Variants in BBX observed in about 807,000 individuals in gnomAD.
BBX encodes HMG box transcription factor BBX.
BBX carries 30 observed loss-of-function variants against 100.2 expected under a neutral mutation model. The ratio of observed to expected loss-of-function variants is 0.30; its 90% confidence interval spans 0.22 to 0.41. BBX has a LOEUF of 0.41. Ranked by LOEUF, BBX falls within the 10% of genes least tolerant of loss-of-function variation. The probability of loss-of-function intolerance (pLI) is 1.00; values close to 1 mark genes in which losing one functional copy is unlikely to be tolerated. For missense variants in BBX, 1,023 were observed against 1,129.8 expected, an observed-to-expected ratio of 0.91 and a Z score of 1.35; for synonymous variants, 376 against 388.1, an observed-to-expected ratio of 0.97 and a Z score of 0.37.
At chr3:107,524,752 A>G (rs1456673254) in intron 1 of BBX, among the ~76,000 whole-genome samples, 4 of 137,728 alleles carry the variant, frequency 2.9e-5, no homozygotes, top group African/African-American at 1.1e-4. Flanking sequence ...TCTGTGGACA[A>G]ATTAGTCCAG....
intron 2 of BBX, among the ~76,000 whole-genome samples, chr3:107,571,927 C>G (rs149240525): frequency 3.7e-4 from 57 of 152,344 alleles, no homozygotes; most frequent in African/African-American, 1.3e-3. Flanking sequence ...CTTTAATCCA[C>G]CTGTTGGGAT....
At chr3:107,727,640 A>G (rs2063051607) in intron 5 of BBX, among the ~76,000 whole-genome samples, 1 of 152,208 alleles carries the variant, frequency 6.6e-6, no homozygotes, top group African/African-American at 2.4e-5. Context: ...TTGTCAATTA[A>G]CATTGCATAA....
At chr3:107,728,389 T>C (rs984805177) in intron 5 of BBX, among the ~76,000 whole-genome samples, 4 of 152,200 alleles carry the variant, frequency 2.6e-5, no homozygotes, top group Non-Finnish European at 5.9e-5. Context: ...TTCTCTTGGT[T>C]ACTGTAGCCC....
At chr3:107,730,339 A>G (rs1158981452) in intron 6 of BBX, among the ~76,000 whole-genome samples, 1 of 152,166 alleles carries the variant, frequency 6.6e-6, no homozygotes, top group East Asian at 1.9e-4. Context: ...CAGTTGGAGT[A>G]CTTTCTAACA....
At chr3:107,778,295 C>T (rs1057239291) in intron 12 of BBX, 76 bp from the exon 13 acceptor site, 1 of 1,554,114 alleles carries the variant, frequency 6.4e-7, no homozygotes, top group Non-Finnish European at 8.8e-7. Flanking sequence ...ATAGAATATC[C>T]TAAAATATAT....
At chr3:107,554,960 C>T (rs887425838) in intron 2 of BBX, among the ~76,000 whole-genome samples, 25 of 151,150 alleles carry the variant, frequency 1.7e-4, no homozygotes, top group Non-Finnish European at 3.1e-4. Context: ...TCCAGCTACT[C>T]GGGAGGCTGA....
rs140920458 is a variant in BBX, at chr3:107,633,260, A to C, written c.-83-12576A>C. On this transcript the variant is annotated intron_variant, in intron 2 of 17. Transcript: ENST00000325805. The stretch of plus-strand genomic sequence containing the variant: ...TGAATTTCATATGTTAACAGTTTCA[A>C]TTTAGTGCAATAAAATGAGCATAAG... Among the ~76,000 whole-genome samples, 1,070 of 152,260 alleles carry C rather than the reference A, an allele frequency of 7.0e-3. 15 individuals carry two copies. Among genetic ancestry groups the C allele is most frequent in the African/African-American group, 0.024 (986 of 41,570 alleles).
intron 6 of BBX, among the ~76,000 whole-genome samples, chr3:107,732,514 G>A (rs2063375403): frequency 6.6e-6 from 1 of 152,106 alleles, no homozygotes; most frequent in Non-Finnish European, 1.5e-5. Context: ...CTGTTCTCTA[G>A]TTCTCTGATA....
In BBX at chr3:107,797,335, CAA is replaced by C. The variant is rs1491326274; in HGVS notation, c.2354-1186_2354-1185del. Among the ~76,000 whole-genome samples, 157 of 40,160 alleles carry C rather than the reference CAA, an allele frequency of 3.9e-3. 5 individuals carry two copies. Among genetic ancestry groups the C allele is most frequent in the Middle Eastern group, 7.9e-3 (1 of 126 alleles). The allele number at this position is 40,160 out of a possible 152,430, so 26.3% of individuals were successfully genotyped here. ...TTTCCTCTTAGTTTAGCTTTTCTTC[CAA>C]ATATATATATATATATATATATATA... On this transcript the variant is annotated intron_variant, in intron 15 of 17. Transcript: ENST00000325805.
chr3:107,730,875 T>G (rs1373527105), intron 6 of BBX, among the ~76,000 whole-genome samples: 1 of 152,220 alleles, frequency 6.6e-6, no homozygotes, highest in African/African-American at 2.4e-5. Context: ...TAATTTGTCT[T>G]TAATTAAATC....
At position 107,806,816 on chromosome 3, in the gene BBX, T is replaced by C. The variant is rs1410983680; in HGVS notation, c.*1359T>C. On this transcript the variant is annotated 3_prime_UTR_variant, in exon 18 of 18. Transcript: ENST00000325805. ...TGAGGCTACAGATTTTACAGGGTAT[T>C]TGTTCTATAGCACAAAGTATTTCCC... 6.6e-6 allele frequency: 1 copy of C among 152,210 alleles called. No individual in the cohort carries two copies. Among genetic ancestry groups the C allele is most frequent in the Non-Finnish European group, 1.5e-5 (1 of 68,040 alleles). 9.4% of individuals were successfully genotyped at this position (152,210 alleles called of 1,614,324 possible).
chr3:107,647,796 G>T (rs2057609002), intron 3 of BBX, among the ~76,000 whole-genome samples: 1 of 152,118 alleles, frequency 6.6e-6, no homozygotes, highest in African/African-American at 2.4e-5. Flanking sequence ...TCATGTCCCT[G>T]ATTAGTCTCC....
intron 3 of BBX, among the ~76,000 whole-genome samples, chr3:107,701,688 C>G (rs2061065777): frequency 6.6e-6 from 1 of 152,076 alleles, no homozygotes; most frequent in African/African-American, 2.4e-5. Context: ...TCTTCCTGTG[C>G]TTTGAGTTCT....
At chr3:107,771,611 T>A (rs998384062) in intron 10 of BBX, among the ~76,000 whole-genome samples, 1 of 152,116 alleles carries the variant, frequency 6.6e-6, no homozygotes, top group Non-Finnish European at 1.5e-5. Flanking sequence ...TTTAAGACTA[T>A]AAAGTTTCAG....
intron 11 of BBX, among the ~76,000 whole-genome samples, chr3:107,774,343 G>A (rs1169586721): frequency 6.6e-6 from 1 of 152,080 alleles, no homozygotes; most frequent in Non-Finnish European, 1.5e-5. Flanking sequence ...AGATACTTGG[G>A]CCTATTTCAT....
intron 2 of BBX, among the ~76,000 whole-genome samples, chr3:107,613,368 T>G (rs888050785): frequency 7.4e-5 from 11 of 148,856 alleles, no homozygotes; most frequent in African/African-American, 2.5e-4. Flanking sequence ...GGCTATTTCT[T>G]TTATCTCGTA....
intron 10 of BBX, among the ~76,000 whole-genome samples, chr3:107,766,168 C>A (rs944518979): frequency 2.0e-5 from 3 of 152,126 alleles, no homozygotes; most frequent in Admixed American, 6.5e-5. Context: ...GGACCAAGGT[C>A]AATGAGAATG....
intron 2 of BBX, among the ~76,000 whole-genome samples, chr3:107,569,140 C>T (rs1391968906): frequency 6.6e-6 from 1 of 152,180 alleles, no homozygotes; most frequent in Admixed American, 6.5e-5. Flanking sequence ...TTATTTTATT[C>T]ACGTGTTATT....
intron 2 of BBX, among the ~76,000 whole-genome samples, chr3:107,567,793 A>T (rs1457426208): frequency 2.6e-5 from 4 of 151,938 alleles, no homozygotes; most frequent in African/African-American, 9.7e-5. Flanking sequence ...TTTTCTTGGA[A>T]TGATTAAGTT....
Sources: allele counts gnomAD v4.1 joint callset (sites outside exome capture counted in the v4.1 genomes callset), GRCh38; gene constraint gnomAD v4.1.1; transcripts MANE v1.5; gene names NCBI Gene and HGNC (gene_info 2026-07-23, HGNC 2026-07-21).